The following ANKIB1 variants were observed in gnomAD, a reference collection of about 807,000 sequenced individuals.
ANKIB1 encodes ankyrin repeat and IBR domain containing 1.
A neutral mutation model predicts 122.1 loss-of-function variants in ANKIB1; 43 were observed. The ratio of observed to expected loss-of-function variants is 0.35; its 90% CI spans 0.28 to 0.45. The LOEUF (loss-of-function observed/expected upper bound fraction) is 0.45, where lower values mean the gene tolerates loss of function less well. ANKIB1 is among the 20% of genes least tolerant of loss of function. The pLI, the probability that ANKIB1 is intolerant of heterozygous loss-of-function variation, is 1.00. For missense variants in ANKIB1, 992 were observed against 1,329.5 expected (o/e 0.75, Z 3.95); for synonymous variants, 390 against 442.0 (o/e 0.88, Z 1.48).
Position 92,399,049 on chromosome 7 carries a change from G to GGTTT in ANKIB1, c.*100_*101insGTTT. ...TTGATTCACTTAATTCCAACTCAGT[G>GGTTT]ATAAACCACTGACATTAGGGTTGAA... On this transcript the variant is annotated 3_prime_UTR_variant, in exon 20 of 20. Coordinates refer to ENST00000265742, the MANE Select transcript of ANKIB1 (RefSeq NM_019004.2). 15 of 1,336,872 alleles carry GGTTT rather than the reference G, an allele frequency of 1.1e-5. No homozygotes were observed. The highest frequency in any genetic ancestry group is 1.8e-5 in the South Asian group (1 of 55,314). The allele number at this position is 1,336,872 out of a possible 1,614,324, so 82.8% of individuals were successfully genotyped here.
intron 18 of ANKIB1, 81 bp downstream of exon 18, chr7:92,396,557 G>A: frequency 1.4e-6 from 1 of 703,036 alleles, no homozygotes; most frequent in Non-Finnish European, 2.5e-6. Context: ...AAATTTTTGT[G>A]AACGAGTTTG....
At chr7:92,251,881 G>A (rs1001254928) in intron 1 of ANKIB1, among the ~76,000 whole-genome samples, 3 of 152,100 alleles carry the variant, frequency 2.0e-5, no homozygotes, top group East Asian at 1.9e-4. Flanking sequence ...ATCTTCTGGC[G>A]CAGGATCCTA....
intron 1 of ANKIB1, among the ~76,000 whole-genome samples, chr7:92,260,412 G>A (rs1801540343): frequency 6.6e-6 from 1 of 152,104 alleles, no homozygotes; most frequent in Non-Finnish European, 1.5e-5. Flanking sequence ...TTGGCCGGTG[G>A]CTCACCTGTA....
At chr7:92,376,057 A>G (rs1804371525) in intron 11 of ANKIB1, among the ~76,000 whole-genome samples, 1 of 152,238 alleles carries the variant, frequency 6.6e-6, no homozygotes, top group Non-Finnish European at 1.5e-5. Context: ...TATAATATTC[A>G]GTAAACCATG....
At chr7:92,256,568 A>G (rs1405657040) in intron 1 of ANKIB1, among the ~76,000 whole-genome samples, 2 of 152,166 alleles carry the variant, frequency 1.3e-5, no homozygotes, top group Non-Finnish European at 1.5e-5. Context: ...TAACAACAAT[A>G]TGAGGCAGTA....
intron 8 of ANKIB1, among the ~76,000 whole-genome samples, chr7:92,351,719 T>C (rs1351466893): frequency 3.4e-5 from 5 of 148,940 alleles, no homozygotes; most frequent in Admixed American, 6.7e-5. Context: ...TTTTTTTTTT[T>C]GTTTTTTTTT....
rs758664007 is a variant in ANKIB1 at position 92,352,632 on chromosome 7, C to G, written c.1387C>G (p.Leu463Val). ...APAVDCGKGH[L>V]FCWECLGEAH... ...TGCTGTTGATTGTGGAAAAGGACACCTCTTCTGCTGGTTAGTATAAGACAA... is the reference window on the plus strand; with the variant it reads ...TGCTGTTGATTGTGGAAAAGGACACGTCTTCTGCTGGTTAGTATAAGACAA... The change falls in exon 9 of 20, where the codon CTC becomes GTC. Residue 463 changes from leucine (L) to valine (V), a missense_variant. Transcript: ENST00000265742. 1 of 1,609,494 alleles carries G rather than the reference C, an allele frequency of 6.2e-7. No individual in the cohort carries two copies. The highest frequency in any genetic ancestry group is 2.2e-5 in the East Asian group (1 of 44,800).
chr7:92,387,643 AAAAAAC>A (rs1194794339), intron 12 of ANKIB1, among the ~76,000 whole-genome samples, 149 bp from the exon 13 acceptor site: 4 of 152,168 alleles, frequency 2.6e-5, no homozygotes, highest in Non-Finnish European at 4.4e-5. Flanking sequence ...CTCAAAAAAA[AAAAAAC>A]AAGTATTGTT....
intron 4 of ANKIB1, among the ~76,000 whole-genome samples, chr7:92,321,298 C>G (rs979162220): frequency 1.3e-5 from 2 of 152,086 alleles, no homozygotes; most frequent in Non-Finnish European, 2.9e-5. Context: ...TTGAAATATA[C>G]AATACATTAT....
intron 2 of ANKIB1, among the ~76,000 whole-genome samples, chr7:92,300,086 G>A (rs1802431692): frequency 6.6e-6 from 1 of 152,148 alleles, no homozygotes; most frequent in South Asian, 2.1e-4. Context: ...GGGACTTACA[G>A]GCATGAGCCG....
chr7:92,304,849 A>G (rs1362617435), intron 2 of ANKIB1, among the ~76,000 whole-genome samples: 3 of 152,086 alleles, frequency 2.0e-5, no homozygotes, highest in Admixed American at 6.6e-5. Context: ...AAGCAACATT[A>G]TGGCTGTATA....
chr7:92,355,132 C>T (rs1020324318), intron 9 of ANKIB1, among the ~76,000 whole-genome samples: 1 of 152,208 alleles, frequency 6.6e-6, no homozygotes, highest in Non-Finnish European at 1.5e-5. Context: ...CCCTTTGTAA[C>T]TGAAGCTAGC....
At chr7:92,250,445 T>A (rs35297077) in intron 1 of ANKIB1, among the ~76,000 whole-genome samples, 5,224 of 152,300 alleles carry the variant, frequency 0.034, 264 homozygotes, top group African/African-American at 0.11. Context: ...AAAATAATTT[T>A]CAGTCATTGT....
At chr7:92,334,368 A>G (rs1027775361) in intron 5 of ANKIB1, among the ~76,000 whole-genome samples, 2 of 152,094 alleles carry the variant, frequency 1.3e-5, no homozygotes, top group African/African-American at 4.8e-5. Context: ...TCTTTGTACT[A>G]TGTCCCATTG....
At chr7:92,293,447 C>T (rs1802290964) in intron 1 of ANKIB1, among the ~76,000 whole-genome samples, 1 of 152,192 alleles carries the variant, frequency 6.6e-6, no homozygotes, top group Admixed American at 6.5e-5. Context: ...GCCTCACCCT[C>T]CCGAATAACT....
chr7:92,285,178 C>T (rs931589518), intron 1 of ANKIB1, among the ~76,000 whole-genome samples: 10 of 152,020 alleles, frequency 6.6e-5, no homozygotes, highest in African/African-American at 1.2e-4. Context: ...AGCGATTTCC[C>T]GCTAATTTTT....
chr7:92,394,301 C>G (rs368649206), intron 17 of ANKIB1, among the ~76,000 whole-genome samples: 2 of 152,130 alleles, frequency 1.3e-5, no homozygotes, highest in African/African-American at 2.4e-5. Context: ...TTTTCTGTAT[C>G]CTTAACATTC....
Position 92,283,387 on chromosome 7 carries a change from C to G in ANKIB1, c.-90-11502C>G, listed in dbSNP as rs566585984. Among the ~76,000 whole-genome samples, 321 of 152,300 alleles carry G rather than the reference C, an allele frequency of 2.1e-3. 1 individual carries two copies. The highest frequency in any genetic ancestry group is 3.0e-3 in the Non-Finnish European group (205 of 68,012). ...AAACTGGGTATTCATGAACTTCTTT[C>G]AGAGTAAAGCCACATTGGACTTCAA... On this transcript the variant is annotated intron_variant, in intron 1 of 19. Transcript: ENST00000265742.
At chr7:92,274,529 A>T (rs554219068) in intron 1 of ANKIB1, among the ~76,000 whole-genome samples, 1 of 152,300 alleles carries the variant, frequency 6.6e-6, no homozygotes, top group South Asian at 2.1e-4. Flanking sequence ...TTTATCATAC[A>T]TACTTTTGTA....
Sources: allele counts gnomAD v4.1 joint callset (sites outside exome capture counted in the v4.1 genomes callset), GRCh38; gene constraint gnomAD v4.1.1; transcripts MANE v1.5; gene names NCBI Gene and HGNC (gene_info 2026-07-23, HGNC 2026-07-21).